SYDE2: variants seen among roughly 807,000 people sequenced by gnomAD.
The protein encoded by SYDE2 is synapse defective Rho GTPase homolog 2.
In SYDE2, 76 loss-of-function variants were observed where a neutral mutation model predicts 91.5. The ratio of observed to expected loss-of-function variants is 0.83; its 90% CI spans 0.69 to 1.01. The LOEUF is 1.01. Ranked by LOEUF, SYDE2 falls within the 50% of genes least tolerant of loss-of-function variation. The pLI, the probability that SYDE2 is intolerant of heterozygous loss-of-function variation, is 0.00. For missense variants in SYDE2, 1,364 were observed against 1,367.7 expected (o/e 1.00, Z 0.04); for synonymous variants, 513 against 506.4 (o/e 1.01, Z -0.18).
Position 85,157,231 on chromosome 1 carries a change from A to G in SYDE2, c.*1519T>C, listed in dbSNP as rs1027098644. 5.3e-5 allele frequency: 8 copies of G among 152,100 alleles called. No homozygotes were observed. The highest frequency in any genetic ancestry group is 1.9e-4 in the African/African-American group (8 of 41,472). 9.4% of individuals were successfully genotyped at this position (152,100 alleles called of 1,614,324 possible). A position where few individuals can be genotyped will look rare whatever the true frequency, so the allele number is the denominator to read the frequency against. On this transcript the variant is annotated 3_prime_UTR_variant, in exon 7 of 7. Transcript: ENST00000341460. ...GCCATGTCTTAAAAGTTGGTAACTTAAAGTCTATTTATAATTTTAAAATTA... is the reference window on the plus strand; with the variant it reads ...GCCATGTCTTAAAAGTTGGTAACTTGAAGTCTATTTATAATTTTAAAATTA...
At chr1:85,165,484 A>C (rs1369058794) in intron 5 of SYDE2, among the ~76,000 whole-genome samples, 1 of 152,268 alleles carries the variant, frequency 6.6e-6, no homozygotes, top group South Asian at 2.1e-4. Context: ...GCTTAAATCT[A>C]GGAAGCTAAC....
chr1:85,155,005 G>A (rs1262791741), downstream of SYDE2, among the ~76,000 whole-genome samples: 2 of 45,310 alleles, frequency 4.4e-5, no homozygotes, highest in East Asian at 6.9e-4. Flanking sequence ...AAGAAAGAAT[G>A]CAGCAAAAAA....
intron 1 of SYDE2, among the ~76,000 whole-genome samples, chr1:85,195,505 G>C (rs1334932151): frequency 6.6e-6 from 1 of 151,882 alleles, no homozygotes; most frequent in Admixed American, 6.6e-5. Context: ...GAGAGGGATG[G>C]AATGAAAAGG....
At chr1:85,163,772 G>A (rs1212277122) in intron 6 of SYDE2, among the ~76,000 whole-genome samples, 2 of 152,050 alleles carry the variant, frequency 1.3e-5, no homozygotes, top group African/African-American at 2.4e-5. Flanking sequence ...AGTGTGGGGT[G>A]AGAGTAGCAG....
intron 2 of SYDE2, among the ~76,000 whole-genome samples, chr1:85,184,827 C>T (rs1413493816): frequency 6.6e-6 from 1 of 151,184 alleles, no homozygotes; most frequent in Non-Finnish European, 1.5e-5. Context: ...CTACAGTGAG[C>T]CGTGATTGTG....
chr1:85,170,818 A>C (rs1359838432), intron 4 of SYDE2, among the ~76,000 whole-genome samples: 1 of 152,228 alleles, frequency 6.6e-6, no homozygotes, highest in African/African-American at 2.4e-5. Context: ...TTATCTATTC[A>C]GTCTCTTACA....
downstream of SYDE2, among the ~76,000 whole-genome samples, chr1:85,155,785 CAGTATAT>C (rs1656867464): frequency 6.6e-6 from 1 of 151,912 alleles, no homozygotes; most frequent in African/African-American, 2.4e-5. Context: ...ATACAGTATA[CAGTATAT>C]ACAATATACA....
At position 85,200,983 on chromosome 1, in the gene SYDE2, G is replaced by A. The variant is rs756989488; in HGVS notation, c.14C>T (p.Pro5Leu). Residue 5 changes from proline to leucine, a missense_variant, in exon 1 of 7, where the codon CCC (proline) becomes CTC (leucine). Physicochemically the swap from Pro to Leu is moderately conservative, Grantham distance 98. Coordinates refer to ENST00000341460, the MANE Select transcript of SYDE2 (RefSeq NM_032184.2). The stretch of plus-strand genomic sequence containing the variant: ...GCCCCGCCGCGCGCCCGAGTCAGGG[G>A]GCAGGTCGTGCATGGCCTGGATCAG... The part of the protein sequence containing the change: MHDL[P>L]PDSGARRGGR... 2.3e-6 allele frequency: 3 copies of A among 1,307,264 alleles called. No homozygotes were observed. In the East Asian group the frequency reaches 8.8e-5, roughly 38 times the overall value. 81.0% of individuals were successfully genotyped at this position (1,307,264 alleles called of 1,614,324 possible).
In SYDE2 at chr1:85,190,342, C is replaced by T; in HGVS notation, c.1156G>A (p.Ala386Thr). Residue 386 changes from alanine to threonine, a missense_variant, in exon 2 of 7, where the codon GCC (alanine) becomes ACC (threonine). Coordinates refer to ENST00000341460, the MANE Select transcript of SYDE2 (RefSeq NM_032184.2). ...GAGTCGGCCTCACCAAAACTCAAGG[C>T]ACTTGATATACCAAGGTCATCATCC... ...PEDDDLGISS[A>T]LSFGEADSAV... 1 of 1,613,946 alleles carries T rather than the reference C, an allele frequency of 6.2e-7. No homozygotes were observed. The highest frequency in any genetic ancestry group is 1.7e-5 in the Admixed American group (1 of 60,010).
intron 1 of SYDE2, among the ~76,000 whole-genome samples, chr1:85,196,510 C>A (rs1414354467): frequency 6.6e-6 from 1 of 151,280 alleles, no homozygotes; most frequent in East Asian, 2.0e-4. Flanking sequence ...GTAGGACTTT[C>A]AAATCAACAC....
intron 2 of SYDE2, among the ~76,000 whole-genome samples, chr1:85,188,025 A>C (rs949944967): frequency 1.3e-5 from 2 of 152,058 alleles, no homozygotes; most frequent in African/African-American, 4.8e-5. Flanking sequence ...AATTAAATTA[A>C]ATTAAAAAAA....
chr1:85,164,803 T>C (rs770342665), intron 5 of SYDE2, 46 bp from the exon 6 acceptor site: 18 of 1,114,372 alleles, frequency 1.6e-5, no homozygotes, highest in Non-Finnish European at 1.2e-6. Flanking sequence ...AAGAGGCAAA[T>C]TCAAGGACAC....
In SYDE2 at chr1:85,182,830, G is replaced by A. The variant is rs371827338; in HGVS notation, c.1812C>T (p.Tyr604=). Residue 604 remains tyrosine (Y), a synonymous_variant, in exon 3 of 7, where the codon TAC becomes TAT. Transcript: ENST00000341460. ...TAGAACTCATAGAGTTTTTCTTCTG[G>A]TAGCTCTGCTGGGAGGATACACTGG... ...LDTSVSSQQS[Y]QKKNSMSSKY... 4.3e-5 allele frequency: 69 copies of A among 1,613,664 alleles called. No homozygotes were observed. The highest frequency in any genetic ancestry group is 1.0e-4 in the Admixed American group (6 of 59,968).
intron 4 of SYDE2, among the ~76,000 whole-genome samples, chr1:85,175,471 G>A (rs1007367016): frequency 2.0e-5 from 3 of 152,186 alleles, no homozygotes; most frequent in Non-Finnish European, 2.9e-5. Context: ...GCTACAGAGT[G>A]AGACTCTTTC....
intron 2 of SYDE2, among the ~76,000 whole-genome samples, chr1:85,188,336 C>G (rs943455811): frequency 3.9e-5 from 6 of 152,122 alleles, no homozygotes; most frequent in African/African-American, 1.4e-4. Context: ...CCTTCAATCT[C>G]AACACCCAGA....
At chr1:85,171,563 G>A (rs1657507100) in intron 4 of SYDE2, among the ~76,000 whole-genome samples, 1 of 152,036 alleles carries the variant, frequency 6.6e-6, no homozygotes, top group South Asian at 2.1e-4. Context: ...TGCACACTGA[G>A]GCTTTAAAAA....
In SYDE2 at chr1:85,200,767, G is replaced by A. The variant is rs1351183063; in HGVS notation, c.230C>T (p.Pro77Leu). Residue 77 changes from proline (P) to leucine (L), a missense_variant, in exon 1 of 7, where the codon CCT becomes CTT. Physicochemically the swap from Pro to Leu is moderately conservative, Grantham distance 98. Transcript: ENST00000341460. Reference protein sequence around the residue: ...REPRGGQLRTPRMRPSCSRSL... With the variant: ...REPRGGQLRTLRMRPSCSRSL... The stretch of plus-strand genomic sequence containing the variant: ...TCTGCTGCAGGACGGCCGCATCCGA[G>A]GAGTCCGCAGCTGGCCTCCCCGCGG... 2.0e-6 allele frequency: 3 copies of A among 1,524,420 alleles called. No individual in the cohort carries two copies. The East Asian group carries it at 7.4e-5, about 38-fold the overall frequency. 94.4% of individuals were successfully genotyped at this position (1,524,420 alleles called of 1,614,324 possible).
chr1:85,171,899 A>G (rs537909232), intron 4 of SYDE2, among the ~76,000 whole-genome samples: 36 of 152,214 alleles, frequency 2.4e-4, no homozygotes, highest in Non-Finnish European at 4.6e-4. Context: ...TGAGAAAAGT[A>G]GATAACCACA....
At chr1:85,197,783 T>C (rs1163820286) in intron 1 of SYDE2, among the ~76,000 whole-genome samples, 1 of 151,826 alleles carries the variant, frequency 6.6e-6, no homozygotes, top group East Asian at 1.9e-4. Context: ...GCCTCCCGAG[T>C]AGCTGGGACT....
Sources: gnomAD v4.1 joint callset for allele counts (sites outside exome capture counted in the v4.1 genomes callset) on GRCh38, gnomAD v4.1.1 for gene constraint, MANE v1.5 for transcripts, NCBI Gene and HGNC (gene_info 2026-07-23, HGNC 2026-07-21) for gene names.